The following ST3GAL5 variants were observed in gnomAD, a reference collection of about 807,000 sequenced individuals.
ST3GAL5 encodes the protein lactosylceramide alpha-2,3-sialyltransferase.
A neutral mutation model predicts 46.1 loss-of-function variants in ST3GAL5; 25 were observed. That is an observed-to-expected ratio of 0.54 (90% CI 0.40 to 0.76). The LOEUF (loss-of-function observed/expected upper bound fraction) is 0.76. Among genes scored for constraint, ST3GAL5 ranks in the 30% least tolerant of loss-of-function variants. The pLI, the probability that ST3GAL5 is intolerant of heterozygous loss-of-function variation, is 0.00. For missense variants in ST3GAL5, 431 were observed against 521.2 expected, an observed-to-expected ratio of 0.83 and a Z score of 1.69; for synonymous variants, 182 against 192.7, an observed-to-expected ratio of 0.94 and a Z score of 0.46.
chr2:85,867,127 C>CA (rs1685373863), intron 1 of ST3GAL5, among the ~76,000 whole-genome samples: 2 of 152,072 alleles, frequency 1.3e-5, no homozygotes, highest in African/African-American at 4.8e-5. Context: ...CCTGCCTCTA[C>CA]AAAAAAATAA....
At chr2:85,849,928 A>G (rs140308447) in intron 3 of ST3GAL5, 1 of 152,028 alleles carries the variant, frequency 6.6e-6, no homozygotes, top group East Asian at 1.9e-4. Flanking sequence ...GGAATTCAAC[A>G]TATCTTTTCA....
chr2:85,876,526 T>A, intron 1 of ST3GAL5, among the ~76,000 whole-genome samples: 1 of 148,424 alleles, frequency 6.7e-6, no homozygotes, highest in Non-Finnish European at 1.5e-5. Flanking sequence ...TGAGGTGGCA[T>A]GATCTCGGCG....
intron 1 of ST3GAL5, among the ~76,000 whole-genome samples, chr2:85,876,503 G>GAA: frequency 8.6e-6 from 1 of 115,946 alleles, no homozygotes; most frequent in Non-Finnish European, 1.7e-5. Flanking sequence ...TCACTCTGTT[G>GAA]CCCAGGCTGC....
At chr2:85,880,785 C>T in intron 1 of ST3GAL5, 1 of 472,060 alleles carries the variant, frequency 2.1e-6, no homozygotes. Flanking sequence ...GATGGTGCCA[C>T]TGCACTCCAG....
intron 1 of ST3GAL5, among the ~76,000 whole-genome samples, chr2:85,874,614 G>T (rs1316911022): frequency 6.6e-6 from 1 of 151,842 alleles, no homozygotes; most frequent in Non-Finnish European, 1.5e-5. Context: ...AGCATTCATT[G>T]CCACTGATAC....
At chr2:85,873,744 G>A (rs935869816) in intron 1 of ST3GAL5, among the ~76,000 whole-genome samples, 9 of 152,158 alleles carry the variant, frequency 5.9e-5, no homozygotes, top group Admixed American at 2.0e-4. Flanking sequence ...CAGGCCTGAC[G>A]CCCCAGGAGG....
intron 1 of ST3GAL5, among the ~76,000 whole-genome samples, chr2:85,881,282 A>C (rs748323192): frequency 6.6e-6 from 1 of 152,216 alleles, no homozygotes; most frequent in African/African-American, 2.4e-5. Flanking sequence ...TGTCTTTATC[A>C]GCAGTGTGAA....
At chr2:85,863,329 A>G (rs374829304) in intron 2 of ST3GAL5, 33 bp downstream of exon 2, 2 of 1,613,364 alleles carry the variant, frequency 1.2e-6, no homozygotes, top group South Asian at 1.1e-5. Flanking sequence ...GACCCAAAGC[A>G]GGGGGATCTA....
At chr2:85,846,237 G>T in intron 5 of ST3GAL5, 140 bp downstream of exon 5, 1 of 802,622 alleles carries the variant, frequency 1.2e-6, no homozygotes, top group Non-Finnish European at 2.0e-6. Flanking sequence ...TTTCTACAAA[G>T]AGAGTGATCA....
intron 3 of ST3GAL5, chr2:85,849,772 T>A (rs1683267049): frequency 6.6e-6 from 1 of 152,136 alleles, no homozygotes; most frequent in African/African-American, 2.4e-5. Flanking sequence ...ATCTTTGTGC[T>A]TTTTTATCCT....
chr2:85,851,597 A>G (rs1049438143), intron 3 of ST3GAL5: 2 of 1,289,294 alleles, frequency 1.6e-6, no homozygotes, highest in African/African-American at 3.0e-5. Context: ...ATCTTTAAGT[A>G]AGTTGAACCG....
intron 1 of ST3GAL5, among the ~76,000 whole-genome samples, chr2:85,874,887 A>G (rs1686350927): frequency 6.6e-6 from 1 of 151,796 alleles, no homozygotes; most frequent in Admixed American, 6.6e-5. Context: ...GTGTCCAAGT[A>G]TCATAATCAT....
chr2:85,846,797 T>C, intron 4 of ST3GAL5: 1 of 522,952 alleles, frequency 1.9e-6, no homozygotes, highest in Non-Finnish European at 3.4e-6. Context: ...CAATTTCATC[T>C]AGCCCTAATA....
intron 3 of ST3GAL5, chr2:85,856,066 A>C (rs1278381387): frequency 6.6e-6 from 1 of 152,254 alleles, no homozygotes; most frequent in Non-Finnish European, 1.5e-5. Context: ...CATAGTTACC[A>C]TATGACCCAG....
intron 6 of ST3GAL5, among the ~76,000 whole-genome samples, chr2:85,842,100 C>A (rs1458933306): frequency 6.6e-6 from 1 of 152,228 alleles, no homozygotes; most frequent in Non-Finnish European, 1.5e-5. Flanking sequence ...TAGGGAACAT[C>A]TACTGAAGCC....
chr2:85,841,205 A>T (rs923899586), intron 6 of ST3GAL5, among the ~76,000 whole-genome samples: 3 of 152,070 alleles, frequency 2.0e-5, no homozygotes, highest in Non-Finnish European at 4.4e-5. Context: ...GACTGTGTTC[A>T]CACACCAGCA....
intron 6 of ST3GAL5, among the ~76,000 whole-genome samples, chr2:85,841,735 C>T (rs1203352895): frequency 6.6e-6 from 1 of 152,196 alleles, no homozygotes; most frequent in African/African-American, 2.4e-5. Context: ...CTAAACCTTT[C>T]TAGATTCTGA....
intron 3 of ST3GAL5, 59 bp from the exon 4 acceptor site, chr2:85,848,263 C>T: frequency 6.2e-7 from 1 of 1,612,890 alleles, no homozygotes; most frequent in African/African-American, 1.3e-5. Flanking sequence ...AAAATATACT[C>T]TTCTAGATGA....
chr2:85,864,151 C>T (rs1362221099), intron 1 of ST3GAL5, among the ~76,000 whole-genome samples: 3 of 152,180 alleles, frequency 2.0e-5, no homozygotes, highest in African/African-American at 7.2e-5. Flanking sequence ...AGATGTTCTA[C>T]ATCTTGACTG....
Sources: gnomAD v4.1 joint callset for allele counts (sites outside exome capture counted in the v4.1 genomes callset) on GRCh38, gnomAD v4.1.1 for gene constraint, MANE v1.5 for transcripts, NCBI Gene and HGNC (gene_info 2026-07-23, HGNC 2026-07-21) for gene names.